Variants in IFT56 observed in about 807,000 individuals in gnomAD.
IFT56 encodes the protein intraflagellar transport protein 56.
chr7:139,160,729 C>T, the IFT56 span, among the ~76,000 whole-genome samples: 1 of 152,166 alleles, frequency 6.6e-6, no homozygotes, highest in Non-Finnish European at 1.5e-5. Context: ...AGCCACTGCG[C>T]CCGGCCCAAG....
chr7:139,159,298 T>G, the IFT56 span, among the ~76,000 whole-genome samples: 1 of 152,238 alleles, frequency 6.6e-6, no homozygotes, highest in African/African-American at 2.4e-5. Context: ...TTTCTATTTC[T>G]TCTTGTGTTA....
chr7:139,151,986 G>C, the IFT56 span, among the ~76,000 whole-genome samples: 1 of 152,138 alleles, frequency 6.6e-6, no homozygotes, highest in South Asian at 2.1e-4. Context: ...GCTTGAACCT[G>C]GGAGGCAGAG....
the IFT56 span, chr7:139,178,273 GATGT>G: frequency 1.9e-6 from 3 of 1,613,908 alleles, no homozygotes; most frequent in Non-Finnish European, 2.5e-6. Flanking sequence ...GCAATTTGAT[GATGT>G]TTTGATTTAC....
the IFT56 span, among the ~76,000 whole-genome samples, chr7:139,156,966 A>G: frequency 6.6e-6 from 1 of 152,154 alleles, no homozygotes; most frequent in Admixed American, 6.5e-5. Context: ...TTTATCTTTC[A>G]GTATGAATTC....
the IFT56 span, among the ~76,000 whole-genome samples, chr7:139,172,031 C>A: frequency 6.6e-6 from 1 of 151,892 alleles, no homozygotes; most frequent in African/African-American, 2.4e-5. Context: ...TATCGAGTCC[C>A]TCTAAAATAC....
the IFT56 span, chr7:139,190,802 A>T: frequency 5.3e-5 from 8 of 152,190 alleles, no homozygotes; most frequent in Non-Finnish European, 1.2e-4. Flanking sequence ...TTGTTTTTAC[A>T]CCATATAGTT....
chr7:139,182,141 T>C, the IFT56 span, among the ~76,000 whole-genome samples: 1 of 152,006 alleles, frequency 6.6e-6, no homozygotes, highest in Non-Finnish European at 1.5e-5. Context: ...AGGTAGTAGT[T>C]TGGGGACCTA....
chr7:139,134,912 A>G, the IFT56 span: 3 of 969,504 alleles, frequency 3.1e-6, no homozygotes. Flanking sequence ...CTTCCTGTAC[A>G]AATCCCCTGT....
the IFT56 span, among the ~76,000 whole-genome samples, chr7:139,149,230 G>A: frequency 0.022 from 3,361 of 150,960 alleles, 89 homozygotes; most frequent in African/African-American, 0.075. Context: ...GCGTGAACTC[G>A]GGAGGCAGAG....
the IFT56 span, among the ~76,000 whole-genome samples, chr7:139,150,609 C>A: frequency 6.6e-6 from 1 of 151,928 alleles, no homozygotes; most frequent in Non-Finnish European, 1.5e-5. Flanking sequence ...CCAGAAGAAC[C>A]TTTTTTTGGT....
At chr7:139,135,115 T>G in the IFT56 span, among the ~76,000 whole-genome samples, 2 of 151,774 alleles carry the variant, frequency 1.3e-5, no homozygotes, top group African/African-American at 2.4e-5. Flanking sequence ...CCCGTCTCTA[T>G]TGAAAATACA....
At chr7:139,160,982 C>T in the IFT56 span, 1 of 1,613,700 alleles carries the variant, frequency 6.2e-7, no homozygotes, top group South Asian at 1.1e-5. Flanking sequence ...AATGCTTCTT[C>T]ATCCTTTGAA....
chr7:139,175,208 A>C, the IFT56 span, among the ~76,000 whole-genome samples: 1 of 152,098 alleles, frequency 6.6e-6, no homozygotes, highest in Non-Finnish European at 1.5e-5. Flanking sequence ...GATGTAGAGA[A>C]AAGGGACCTT....
chr7:139,169,190 G>C, the IFT56 span: 2 of 1,034,420 alleles, frequency 1.9e-6, no homozygotes, highest in Non-Finnish European at 2.9e-6. Flanking sequence ...TTAAAACAAA[G>C]GTATATTTAA....
the IFT56 span, chr7:139,189,197 G>A: frequency 1.5e-6 from 1 of 655,358 alleles, no homozygotes; most frequent in African/African-American, 1.8e-5. Context: ...AATACACAGT[G>A]AAAGAGTCTA....
chr7:139,186,175 C>A, the IFT56 span, among the ~76,000 whole-genome samples: 2 of 152,150 alleles, frequency 1.3e-5, no homozygotes, highest in Non-Finnish European at 2.9e-5. Context: ...AGCCTGTAAT[C>A]CCTGCACTTT....
At chr7:139,157,518 T>C in the IFT56 span, among the ~76,000 whole-genome samples, 7 of 146,632 alleles carry the variant, frequency 4.8e-5, no homozygotes, top group African/African-American at 1.8e-4. Flanking sequence ...TTTTTTTTTT[T>C]AGACAAGCTC....
the IFT56 span, among the ~76,000 whole-genome samples, chr7:139,158,617 G>A: frequency 6.6e-6 from 1 of 151,776 alleles, no homozygotes; most frequent in South Asian, 2.1e-4. Context: ...ATTTTCTATT[G>A]TTAAATCAAC....
the IFT56 span, chr7:139,166,951 C>G: frequency 8.3e-7 from 1 of 1,205,788 alleles, no homozygotes; most frequent in Non-Finnish European, 1.2e-6. Flanking sequence ...AGTGGAACTT[C>G]AGAAATTTAG....
Sources: gnomAD v4.1 joint callset for allele counts (sites outside exome capture counted in the v4.1 genomes callset) on GRCh38, gnomAD v4.1.1 for gene constraint, MANE v1.5 for transcripts, NCBI Gene and HGNC (gene_info 2026-07-23, HGNC 2026-07-21) for gene names.